Variants in ZFYVE9 observed in about 807,000 individuals in gnomAD.
ZFYVE9 encodes zinc finger FYVE-type containing 9, also known as zinc finger FYVE domain-containing protein 9.
In ZFYVE9, 43 loss-of-function variants were observed where a neutral mutation model predicts 126.7. The observed-to-expected ratio is 0.34, with a 90% CI of 0.27 to 0.44. The LOEUF (loss-of-function observed/expected upper bound fraction) is 0.44, where lower values mean the gene tolerates loss of function less well. Among genes scored for constraint, ZFYVE9 ranks in the 20% least tolerant of loss-of-function variants. ZFYVE9 has a pLI of 1.00. For missense variants in ZFYVE9, 1,476 were observed against 1,697.0 expected (o/e 0.87, Z 2.29); for synonymous variants, 521 against 597.4 (o/e 0.87, Z 1.87).
intron 1 of ZFYVE9, among the ~76,000 whole-genome samples, chr1:52,150,738 C>A (rs867675092): frequency 6.7e-6 from 1 of 149,650 alleles, no homozygotes; most frequent in Non-Finnish European, 1.5e-5. Flanking sequence ...CGCCACTGCA[C>A]GCCAGCCTGG....
intron 1 of ZFYVE9, among the ~76,000 whole-genome samples, chr1:52,154,375 G>A (rs576593524): frequency 6.6e-6 from 1 of 152,314 alleles, no homozygotes; most frequent in South Asian, 2.1e-4. Flanking sequence ...GATGTTCAGA[G>A]TTGGCCTTGG....
rs773846856 is a variant in ZFYVE9 at position 52,344,736 on chromosome 1, A to G, written c.3940-32A>G. The stretch of plus-strand genomic sequence containing the variant: ...TCTACTTCTCCCAAAATCTAGGCAC[A>G]AGTTTAAAAGTCTCTTTTGTTTGGG... On this transcript the variant is annotated intron_variant, in intron 17 of 18. Coordinates refer to ENST00000287727, the MANE Select transcript of ZFYVE9 (RefSeq NM_004799.4). 4.4e-6 allele frequency: 7 copies of G among 1,608,292 alleles called. No individual in the cohort carries two copies. The Admixed American group carries it at 1.2e-4, about 27-fold the overall frequency.
intron 10 of ZFYVE9, among the ~76,000 whole-genome samples, chr1:52,284,542 C>T (rs1645835859): frequency 1.3e-5 from 2 of 152,042 alleles, no homozygotes; most frequent in South Asian, 2.1e-4. Context: ...GCCCCAGCCT[C>T]CCAAGTAGCT....
chr1:52,142,814 C>G lies in ZFYVE9; in HGVS notation c.-143+411C>G, dbSNP rs1435056773. Among the ~76,000 whole-genome samples the G allele has an allele frequency of 1.3e-5, 2 of 152,212 alleles. No homozygotes were observed. Among genetic ancestry groups the G allele is most frequent in the African/African-American group, 4.8e-5 (2 of 41,460 alleles). On this transcript the variant is annotated intron_variant, in intron 1 of 18. Coordinates refer to ENST00000287727, the MANE Select transcript of ZFYVE9 (RefSeq NM_004799.4). This position sits in a 1 kb window ranked among gnomAD's most constrained non-coding sequence, Gnocchi z 4.5. The stretch of plus-strand genomic sequence containing the variant: ...TCCACGCGTCCCATACCGAGTCCCT[C>G]AGAATCCCGGTTGTGGCGGGGAAAG...
chr1:52,188,443 T>C (rs546932821), intron 1 of ZFYVE9, among the ~76,000 whole-genome samples: 1 of 152,312 alleles, frequency 6.6e-6, no homozygotes, highest in African/African-American at 2.4e-5. Context: ...TTTACCTGTA[T>C]AACAAACCTG....
At chr1:52,149,106 G>A (rs1359406205) in intron 1 of ZFYVE9, among the ~76,000 whole-genome samples, 1 of 151,492 alleles carries the variant, frequency 6.6e-6, no homozygotes, top group Non-Finnish European at 1.5e-5. Context: ...TGTTACTACA[G>A]GCGCCTGTCA....
In ZFYVE9 at chr1:52,282,850, A is replaced by G. The variant is rs553711576; in HGVS notation, c.3025+1034A>G. On this transcript the variant is annotated intron_variant, in intron 10 of 18. Coordinates refer to ENST00000287727, the MANE Select transcript of ZFYVE9 (RefSeq NM_004799.4). Reference sequence around the variant, plus strand: ...GAGAACTTTTTTTGGCCATTAAAACAATATTTATGAAAAGAATGTAGTAAC... The same window carrying G: ...GAGAACTTTTTTTGGCCATTAAAACGATATTTATGAAAAGAATGTAGTAAC... 2.6e-5 allele frequency among the ~76,000 whole-genome samples: 4 copies of G among 152,334 alleles called. No homozygotes were observed. The South Asian group carries it at 8.3e-4, about 32-fold the overall frequency.
intron 1 of ZFYVE9, chr1:52,150,205 A>T (rs1328511109): frequency 1.3e-5 from 2 of 151,934 alleles, no homozygotes; most frequent in Non-Finnish European, 2.9e-5. Context: ...TGCTATGCTG[A>T]TCAGTGTTTG....
At chr1:52,223,700 A>G (rs1201175184) in intron 2 of ZFYVE9, among the ~76,000 whole-genome samples, 2 of 152,058 alleles carry the variant, frequency 1.3e-5, no homozygotes, top group Non-Finnish European at 2.9e-5. Flanking sequence ...CTCAGGAAAC[A>G]TTAGGGTTCA....
At chr1:52,174,039 C>T (rs1644600464) in intron 1 of ZFYVE9, among the ~76,000 whole-genome samples, 1 of 151,658 alleles carries the variant, frequency 6.6e-6, no homozygotes, top group South Asian at 2.1e-4. Flanking sequence ...TTCTTGCCTT[C>T]TGCTAGCTTT....
At chr1:52,293,342 G>A (rs1208506142) in intron 10 of ZFYVE9, 111 bp from the exon 11 acceptor site, 6 of 916,552 alleles carry the variant, frequency 6.5e-6, no homozygotes, top group Middle Eastern at 3.8e-4. Flanking sequence ...TTGCGCCACT[G>A]CACTCCAGCC....
At chr1:52,258,918 GT>G (rs942485748) in intron 4 of ZFYVE9, among the ~76,000 whole-genome samples, 3 of 149,118 alleles carry the variant, frequency 2.0e-5, no homozygotes, top group Non-Finnish European at 4.5e-5. Flanking sequence ...AAGATACTTT[GT>G]TTTTTATTCA....
At chr1:52,192,833 A>G (rs559476496) in intron 1 of ZFYVE9, among the ~76,000 whole-genome samples, 1 of 152,354 alleles carries the variant, frequency 6.6e-6, no homozygotes, top group East Asian at 1.9e-4. Context: ...ACTTTTTATC[A>G]GGAAAATGAT....
Position 52,268,478 on chromosome 1 carries a change from A to G in ZFYVE9, c.2471A>G (p.Glu824Gly), listed in dbSNP as rs768984610. The change falls in exon 7 of 19, where the codon GAG becomes GGG. Residue 824 changes from glutamate to glycine, a missense_variant. By Grantham distance (98) the Glu-to-Gly change is moderately conservative. This residue lies in a region of ZFYVE9 where 669 missense variants were observed against 902.4 expected (regional missense o/e 0.74). Transcript: ENST00000287727. ...GCCCCTCAAGTGGCTCAGCCCAGAGAGCAGAGGCGAGTTTGGTTTGCTGAT... is the reference window on the plus strand; with the variant it reads ...GCCCCTCAAGTGGCTCAGCCCAGAGGGCAGAGGCGAGTTTGGTTTGCTGAT... Reference protein sequence around the residue: ...HPGAEVAQPREQRRVWFADGI... With the variant: ...HPGAEVAQPRGQRRVWFADGI... 2.0e-5 allele frequency: 32 copies of G among 1,614,032 alleles called. No homozygotes were observed. The East Asian group carries it at 6.9e-4, about 35-fold the overall frequency.
intron 8 of ZFYVE9, among the ~76,000 whole-genome samples, chr1:52,276,564 G>A (rs1000135802): frequency 6.6e-6 from 1 of 152,144 alleles, no homozygotes; most frequent in Admixed American, 6.5e-5. Flanking sequence ...TATCATACCT[G>A]TAAGTACATA....
chr1:52,262,290 CA>C lies in ZFYVE9; in HGVS notation c.2179-1482del, dbSNP rs1386724274. Among the ~76,000 whole-genome samples the C allele has an allele frequency of 3.9e-5, 6 of 152,300 alleles. No individual in the cohort carries two copies. In the East Asian group the frequency reaches 1.2e-3, roughly 29 times the overall value. ...ATCTCTTTTGGGGTTAAGATTTCAA[CA>C]TAGGAGTTTTGGAACATTCATCTGT... On this transcript the variant is annotated intron_variant, in intron 4 of 18. Coordinates refer to ENST00000287727, the MANE Select transcript of ZFYVE9 (RefSeq NM_004799.4).
chr1:52,173,889 C>G (rs925707949), intron 1 of ZFYVE9, among the ~76,000 whole-genome samples: 1 of 152,006 alleles, frequency 6.6e-6, no homozygotes, highest in African/African-American at 2.4e-5. Flanking sequence ...TGATTCTTCC[C>G]TCTTTTTTTC....
intron 1 of ZFYVE9, among the ~76,000 whole-genome samples, chr1:52,161,344 C>G (rs934133013): frequency 1.3e-5 from 2 of 152,068 alleles, no homozygotes; most frequent in African/African-American, 2.4e-5. Flanking sequence ...GGCTGGAGTG[C>G]AGTGGCGCAA....
intron 4 of ZFYVE9, among the ~76,000 whole-genome samples, chr1:52,246,557 A>C (rs1241700563): frequency 1.4e-5 from 2 of 146,988 alleles, no homozygotes; most frequent in South Asian, 2.2e-4. Context: ...TTTGAGACAA[A>C]CTCTTGGTCT....
Sources: allele counts gnomAD v4.1 joint callset (sites outside exome capture counted in the v4.1 genomes callset), GRCh38; gene constraint gnomAD v4.1.1; regional missense constraint gnomAD v4.1.1; non-coding constraint Gnocchi (gnomAD v3.1); transcripts MANE v1.5; gene names NCBI Gene and HGNC (gene_info 2026-07-23, HGNC 2026-07-21).